Variants in ASH1L observed in about 807,000 individuals in gnomAD.
ASH1L encodes histone-lysine N-methyltransferase ASH1L.
ASH1L carries 23 observed loss-of-function variants against 269.0 expected under a neutral mutation model. The ratio of observed to expected loss-of-function variants is 0.09; its 90% CI spans 0.06 to 0.12. The LOEUF is 0.12. Among genes scored for constraint, ASH1L ranks in the 10% least tolerant of loss-of-function variants. The probability of loss-of-function intolerance (pLI) is 1.00; values close to 1 mark genes in which losing one functional copy is unlikely to be tolerated. For missense variants in ASH1L, 2,912 were observed against 3,567.8 expected (o/e 0.82, Z 4.68); for synonymous variants, 1,187 against 1,253.5 (o/e 0.95, Z 1.12).
At chr1:155,421,045 G>A (rs528146492) in intron 5 of ASH1L, among the ~76,000 whole-genome samples, 9 of 151,174 alleles carry the variant, frequency 6.0e-5, no homozygotes, top group African/African-American at 1.7e-4. Context: ...GAGACCAACC[G>A]AGGCAACATA....
At chr1:155,433,584 A>T in intron 5 of ASH1L, 1 of 1,611,132 alleles carries the variant, frequency 6.2e-7, no homozygotes, top group African/African-American at 1.3e-5. Context: ...AACCCGCAGG[A>T]GTCCCAGAAC....
Position 155,479,737 on chromosome 1 carries a change from T to C in ASH1L, c.3133A>G (p.Ile1045Val), listed in dbSNP as rs1217877365. 2 of 1,614,202 alleles carry C rather than the reference T, an allele frequency of 1.2e-6. No homozygotes were observed. Among genetic ancestry groups the C allele is most frequent in the Non-Finnish European group, 1.7e-6 (2 of 1,180,022 alleles). The change falls in exon 3 of 28, where the codon ATT (isoleucine) becomes GTT (valine). Residue 1045 changes from isoleucine to valine, a missense_variant. Ile to Val is a conservative substitution (Grantham distance 29, BLOSUM62 3). Transcript: ENST00000392403. ...QQINVSKKGTIYIGKRRGRKP... is the reference protein window; with the variant it reads ...QQINVSKKGTVYIGKRRGRKP... ...CGACCTCTTCTCTTTCCTATATAAA[T>C]GGTTCCTTTCTTGCTGACATTTATC...
intron 2 of ASH1L, among the ~76,000 whole-genome samples, chr1:155,484,734 GCC>G (rs1189015001): frequency 1.3e-5 from 2 of 150,052 alleles, no homozygotes; most frequent in South Asian, 2.1e-4. Context: ...TTTGAGACCA[GCC>G]TGGCCAACAT....
intron 5 of ASH1L, among the ~76,000 whole-genome samples, chr1:155,417,575 G>T (rs1660317580): frequency 1.3e-5 from 2 of 152,154 alleles, no homozygotes; most frequent in South Asian, 4.1e-4. Flanking sequence ...AAAGTAGAAA[G>T]ACATTGTTCA....
At chr1:155,401,251 C>A (rs1207129100) in intron 6 of ASH1L, among the ~76,000 whole-genome samples, 2 of 151,474 alleles carry the variant, frequency 1.3e-5, no homozygotes, top group African/African-American at 4.9e-5. Flanking sequence ...CCAAGGCAGG[C>A]GGATCACTTG....
chr1:155,517,043 T>C (rs1479712357), intron 2 of ASH1L, among the ~76,000 whole-genome samples: 1 of 152,208 alleles, frequency 6.6e-6, no homozygotes, highest in Non-Finnish European at 1.5e-5. Flanking sequence ...ATCTGTAGAT[T>C]CAATGTAATT....
intron 2 of ASH1L, among the ~76,000 whole-genome samples, chr1:155,490,038 G>A (rs909169021): frequency 3.3e-5 from 5 of 150,446 alleles, no homozygotes; most frequent in African/African-American, 4.9e-5. Context: ...GTGCCATCTC[G>A]GCTCACTGCA....
At chr1:155,490,305 CACA>C (rs1666674849) in intron 2 of ASH1L, among the ~76,000 whole-genome samples, 2 of 151,936 alleles carry the variant, frequency 1.3e-5, no homozygotes, top group Admixed American at 1.3e-4. Context: ...TGTAAGATGT[CACA>C]ACCTTATATA....
Position 155,533,015 on chromosome 1 carries a change from T to C in ASH1L, c.-99-11397A>G, listed in dbSNP as rs1669797602. Among the ~76,000 whole-genome samples the C allele has an allele frequency of 2.7e-5, 4 of 150,382 alleles. No individual in the cohort carries two copies. The Admixed American group carries it at 2.7e-4, about 10-fold the overall frequency. On this transcript the variant is annotated intron_variant, in intron 1 of 27. Coordinates refer to ENST00000392403, the MANE Select transcript of ASH1L (RefSeq NM_018489.3). ...GTGTGTGTTGGTGGCGAAGGTCTGGTCTGAGATACAGAACTACTCTGGAAG... is the reference window on the plus strand; with the variant it reads ...GTGTGTGTTGGTGGCGAAGGTCTGGCCTGAGATACAGAACTACTCTGGAAG...
At chr1:155,466,322 C>A (rs1664695927) in intron 3 of ASH1L, among the ~76,000 whole-genome samples, 4 of 152,068 alleles carry the variant, frequency 2.6e-5, no homozygotes, top group Admixed American at 2.6e-4. Flanking sequence ...CCACTGTACT[C>A]CAGCCTGGGC....
At position 155,480,174 on chromosome 1, in the gene ASH1L, G is replaced by A. The variant is rs774359117; in HGVS notation, c.2696C>T (p.Ser899Leu). ...KRGRPKRQMR[S>L]PVKMKPPVLS... ...TACAGGTGGCTTCATCTTGACTGGT[G>A]ACCTCATTTGCCTCTTAGGCCTGCC... is the stretch of plus-strand genomic sequence containing the variant. The change falls in exon 3 of 28, where the codon TCA (serine) becomes TTA (leucine). Residue 899 changes from serine (S) to leucine (L), a missense_variant. Around this residue, in one of 13 missense-constraint regions of ASH1L, gnomAD observed 715 missense variants for 721.0 expected, o/e 0.99. Coordinates refer to ENST00000392403, the MANE Select transcript of ASH1L (RefSeq NM_018489.3). The A allele has an allele frequency of 1.2e-6, 2 of 1,614,096 alleles. No individual in the cohort carries two copies. Among genetic ancestry groups the A allele is most frequent in the Non-Finnish European group, 8.5e-7 (1 of 1,179,994 alleles).
At chr1:155,384,403 A>G (rs1207875253) in intron 7 of ASH1L, among the ~76,000 whole-genome samples, 1 of 152,214 alleles carries the variant, frequency 6.6e-6, no homozygotes, top group Non-Finnish European at 1.5e-5. Context: ...GATTCAGATG[A>G]GAAATCTACT....
At chr1:155,505,849 T>A (rs1353030724) in intron 2 of ASH1L, among the ~76,000 whole-genome samples, 2 of 152,170 alleles carry the variant, frequency 1.3e-5, no homozygotes, top group East Asian at 3.8e-4. Context: ...ATCATTATTT[T>A]TTATTATACT....
At chr1:155,541,511 A>G (rs1670428304) in intron 1 of ASH1L, among the ~76,000 whole-genome samples, 1 of 152,144 alleles carries the variant, frequency 6.6e-6, no homozygotes, top group South Asian at 2.1e-4. Flanking sequence ...AAATTAGAAT[A>G]GCTTCATGAA....
At chr1:155,346,806 C>T (rs182248953) in intron 20 of ASH1L, among the ~76,000 whole-genome samples, 86 of 152,278 alleles carry the variant, frequency 5.6e-4, no homozygotes, top group Non-Finnish European at 1.0e-3. Context: ...AATACAGCTA[C>T]AAAATGTTTT....
At chr1:155,496,140 CTT>C (rs1337256006) in intron 2 of ASH1L, among the ~76,000 whole-genome samples, 1 of 152,130 alleles carries the variant, frequency 6.6e-6, no homozygotes, top group African/African-American at 2.4e-5. Context: ...TGTACAAAAT[CTT>C]TTCTTTGTAT....
At chr1:155,428,343 AG>A (rs36071234) in intron 5 of ASH1L, among the ~76,000 whole-genome samples, 48,227 of 151,694 alleles carry the variant, frequency 0.32, 8,155 homozygotes, top group East Asian at 0.72. Context: ...CGGGAGACTG[AG>A]GGCAGGAGAA....
chr1:155,418,824 C>T (rs1660428367), intron 5 of ASH1L, among the ~76,000 whole-genome samples: 1 of 152,132 alleles, frequency 6.6e-6, no homozygotes, highest in African/African-American at 2.4e-5. Context: ...AATCCCAGCA[C>T]TTTGGGAGGC....
intron 4 of ASH1L, among the ~76,000 whole-genome samples, chr1:155,450,144 T>A (rs1456831166): frequency 6.6e-6 from 1 of 152,222 alleles, no homozygotes; most frequent in Non-Finnish European, 1.5e-5. Flanking sequence ...TGCTGATAGT[T>A]GTTACTGTGT....
Sources: allele counts gnomAD v4.1 joint callset (sites outside exome capture counted in the v4.1 genomes callset), GRCh38; gene constraint gnomAD v4.1.1; regional missense constraint gnomAD v4.1.1; transcripts MANE v1.5; gene names NCBI Gene and HGNC (gene_info 2026-07-23, HGNC 2026-07-21).